Variants in CACNA1C observed in about 807,000 individuals in gnomAD.
CACNA1C encodes the protein calcium voltage-gated channel subunit alpha1 C, also known as voltage-dependent L-type calcium channel subunit alpha-1C.
A neutral mutation model predicts 229.0 loss-of-function variants in CACNA1C; 30 were observed. The observed-to-expected ratio is 0.13, with a 90% CI of 0.10 to 0.18. CACNA1C has a LOEUF of 0.18. Among genes scored for constraint, CACNA1C ranks in the 10% least tolerant of loss-of-function variants. CACNA1C has a pLI of 1.00. For synonymous variants in CACNA1C, 1,114 were observed against 1,132.5 expected (o/e 0.98, Z 0.33); for missense variants, 1,658 against 2,845.0 (o/e 0.58, Z 9.49).
rs1341535612 is a variant in CACNA1C, at chr12:2,573,569, C to A, written c.1895+5775C>A. Among the ~76,000 whole-genome samples, 2 of 152,216 alleles carry A rather than the reference C, an allele frequency of 1.3e-5. 1 individual carries two copies. The highest frequency in any genetic ancestry group is 4.1e-4 in the South Asian group (2 of 4,830). On this transcript the variant is annotated intron_variant, in intron 13 of 46. Transcript: ENST00000399655. ...GGTGTACACATGGATTCATGGATCC[C>A]TTTCTAGAATTCTAGAATTCCAGGC...
chr12:2,246,813 G>A (rs768519952), intron 3 of CACNA1C, among the ~76,000 whole-genome samples: 1 of 152,146 alleles, frequency 6.6e-6, no homozygotes, highest in Admixed American at 6.5e-5. Context: ...CAAGGTTGGG[G>A]GTGAGGGGTG....
At position 2,457,719 on chromosome 12, in the gene CACNA1C, C is replaced by A; in HGVS notation, c.757+13C>A. 6.4e-7 allele frequency: 1 copy of A among 1,570,756 alleles called. No homozygotes were observed. The highest frequency in any genetic ancestry group is 8.6e-7 in the Non-Finnish European group (1 of 1,159,596). On this transcript the variant is annotated intron_variant, in intron 5 of 46. Transcript: ENST00000399655. The stretch of plus-strand genomic sequence containing the variant: ...TCCGGAGTCCCAAGTAAGTGAAGCC[C>A]GTTCTTGTGTACAGTGTTATCTCCT...
In CACNA1C at chr12:2,152,013, G is replaced by A. The variant is rs1416607631; in HGVS notation, c.477+31583G>A. ...ATCTGGGCAGATTTTAAACCCTGGC[G>A]TTTTTAGTGCCTTGACTAGTGTGAG... is the stretch of plus-strand genomic sequence containing the variant. On this transcript the variant is annotated intron_variant, in intron 3 of 46. Transcript: ENST00000399655. The surrounding 1 kb of genome is among the most constrained non-coding windows in gnomAD (Gnocchi z 4.2). Among the ~76,000 whole-genome samples the A allele has an allele frequency of 3.9e-5, 6 of 152,164 alleles. No individual in the cohort carries two copies. The highest frequency in any genetic ancestry group is 7.2e-5 in the African/African-American group (3 of 41,440).
intron 3 of CACNA1C, among the ~76,000 whole-genome samples, chr12:2,339,138 A>G (rs1410185056): frequency 6.6e-6 from 1 of 152,278 alleles, no homozygotes; most frequent in Non-Finnish European, 1.5e-5. Context: ...TGGATGGTTG[A>G]GCCTGCTGCA....
intron 3 of CACNA1C, among the ~76,000 whole-genome samples, chr12:2,142,522 C>T (rs1047848492): frequency 6.6e-6 from 1 of 151,338 alleles, no homozygotes; most frequent in Non-Finnish European, 1.5e-5. Flanking sequence ...TATACTCCTA[C>T]TTATTAAAAC....
chr12:2,619,575 C>T (rs1299302320), intron 29 of CACNA1C, among the ~76,000 whole-genome samples: 2 of 152,084 alleles, frequency 1.3e-5, no homozygotes, highest in Non-Finnish European at 2.9e-5. Flanking sequence ...CAAGCATCAA[C>T]GACGCTACCA....
chr12:1,977,508 T>C lies in CACNA1C; in HGVS notation c.139+6307T>C, dbSNP rs147466721. Among the ~76,000 whole-genome samples, 170 of 152,362 alleles carry C rather than the reference T, an allele frequency of 1.1e-3. 1 individual carries two copies. Among genetic ancestry groups the C allele is most frequent in the Non-Finnish European group, 2.1e-3 (143 of 68,040 alleles). ...TACACATATACACATATAACAATTC[T>C]AGAATATAAGTGATTTGCGAATTTT... On this transcript the variant is annotated intron_variant, in intron 1 of 46. Transcript: ENST00000682462.
chr12:2,201,757 C>G (rs930252136), intron 3 of CACNA1C, among the ~76,000 whole-genome samples: 1 of 152,160 alleles, frequency 6.6e-6, no homozygotes, highest in African/African-American at 2.4e-5. Flanking sequence ...GCGTGTCTTC[C>G]TTGAGTGAGG....
In CACNA1C at chr12:2,348,410, C is replaced by A. The variant is rs1382033561; in HGVS notation, c.478-100566C>A. On this transcript the variant is annotated intron_variant, in intron 3 of 46. Transcript: ENST00000399655. This position sits in a 1 kb window ranked among gnomAD's most constrained non-coding sequence, Gnocchi z 4.7. ...GCGGCTTCTTAGCAACTTAGTCAATCCAAACGTGGAGGTGATTGGCATATG... is the reference window on the plus strand; with the variant it reads ...GCGGCTTCTTAGCAACTTAGTCAATACAAACGTGGAGGTGATTGGCATATG... Among the ~76,000 whole-genome samples, 7 of 152,206 alleles carry A rather than the reference C, an allele frequency of 4.6e-5. No homozygotes were observed. Among genetic ancestry groups the A allele is most frequent in the Admixed American group, 4.6e-4 (7 of 15,290 alleles).
At chr12:2,210,528 TG>T (rs1230275952) in intron 3 of CACNA1C, among the ~76,000 whole-genome samples, 1 of 152,050 alleles carries the variant, frequency 6.6e-6, no homozygotes, top group East Asian at 1.9e-4. Context: ...GGGAAATTGG[TG>T]GGGGGTTTGT....
chr12:2,506,200 A>G (rs971356912), intron 8 of CACNA1C, among the ~76,000 whole-genome samples: 2 of 152,214 alleles, frequency 1.3e-5, no homozygotes, highest in Admixed American at 6.5e-5. Flanking sequence ...CAGGGATAAC[A>G]GTGATGAGCA....
chr12:2,204,062 C>A (rs1215101896), intron 3 of CACNA1C, among the ~76,000 whole-genome samples: 1 of 152,098 alleles, frequency 6.6e-6, no homozygotes, highest in Non-Finnish European at 1.5e-5. Context: ...GATTACAGTC[C>A]CACCAACAGT....
chr12:2,558,746 T>C (rs1005670276), intron 11 of CACNA1C, among the ~76,000 whole-genome samples: 8 of 152,210 alleles, frequency 5.3e-5, no homozygotes, highest in African/African-American at 1.9e-4. Context: ...GGGCTAAAAA[T>C]TAAGTGGGGA....
chr12:2,575,736 C>T lies in CACNA1C; in HGVS notation c.1896-5854C>T, dbSNP rs529744374. Among the ~76,000 whole-genome samples, 2 of 152,290 alleles carry T rather than the reference C, an allele frequency of 1.3e-5. No individual in the cohort carries two copies. The highest frequency in any genetic ancestry group is 3.9e-4 in the East Asian group (2 of 5,178). On this transcript the variant is annotated intron_variant, in intron 13 of 46. Coordinates refer to ENST00000399655, the MANE Select transcript of CACNA1C (RefSeq NM_000719.7). The surrounding 1 kb of genome is among the most constrained non-coding windows in gnomAD (Gnocchi z 4.0). ...CAGAGAGAATAGGGTGGAACATTTGCAGAGCATCCGAAAGTGGTGGGTACT... is the reference window on the plus strand; with the variant it reads ...CAGAGAGAATAGGGTGGAACATTTGTAGAGCATCCGAAAGTGGTGGGTACT...
intron 1 of CACNA1C, among the ~76,000 whole-genome samples, chr12:2,000,571 A>G (rs1006857041): frequency 9.2e-5 from 14 of 152,222 alleles, no homozygotes; most frequent in African/African-American, 3.1e-4. Context: ...ACTTATAACA[A>G]GTAATTCTTA....
At chr12:2,313,653 G>C (rs1047509174) in intron 3 of CACNA1C, among the ~76,000 whole-genome samples, 9 of 152,140 alleles carry the variant, frequency 5.9e-5, no homozygotes, top group Non-Finnish European at 1.3e-4. Flanking sequence ...TAAAAGCAGT[G>C]GAGCCCTTTC....
At chr12:2,026,334 C>T (rs553137829) in intron 1 of CACNA1C, among the ~76,000 whole-genome samples, 3 of 152,152 alleles carry the variant, frequency 2.0e-5, no homozygotes, top group East Asian at 1.9e-4. Context: ...GAAAATTCTT[C>T]GGGAGGGAAG....
chr12:2,351,360 A>G (rs2097197502), intron 3 of CACNA1C, among the ~76,000 whole-genome samples: 1 of 152,154 alleles, frequency 6.6e-6, no homozygotes, highest in Non-Finnish European at 1.5e-5. Flanking sequence ...CCCCCACCCC[A>G]GCCTCCGATG....
upstream of CACNA1C, among the ~76,000 whole-genome samples, chr12:2,052,613 C>T (rs1455592193): frequency 7.2e-6 from 1 of 139,822 alleles, no homozygotes; most frequent in African/African-American, 2.8e-5. Context: ...GTGTCCGCGC[C>T]GCGGCCACCG....
Sources: allele counts gnomAD v4.1 joint callset (sites outside exome capture counted in the v4.1 genomes callset), GRCh38; gene constraint gnomAD v4.1.1; non-coding constraint Gnocchi (gnomAD v3.1); transcripts MANE v1.5; gene names NCBI Gene and HGNC (gene_info 2026-07-23, HGNC 2026-07-21).